AHCTF1: variants seen among roughly 807,000 people sequenced by gnomAD.
AHCTF1 encodes protein ELYS.
In AHCTF1, 24 loss-of-function variants were observed where a neutral mutation model predicts 248.4. That is an observed-to-expected ratio of 0.10 (90% confidence interval 0.07 to 0.14). The LOEUF (loss-of-function observed/expected upper bound fraction) is 0.14, where lower values mean the gene tolerates loss of function less well. Ranked by LOEUF, AHCTF1 falls within the 10% of genes least tolerant of loss-of-function variation. The probability of loss-of-function intolerance (pLI) is 1.00; values close to 1 mark genes in which losing one functional copy is unlikely to be tolerated. For missense variants in AHCTF1, 2,206 were observed against 2,636.2 expected, an observed-to-expected ratio of 0.84 and a Z score of 3.57; for synonymous variants, 786 against 929.8, an observed-to-expected ratio of 0.85 and a Z score of 2.81.
chr1:246,893,097 C>G (rs936705861), intron 14 of AHCTF1, among the ~76,000 whole-genome samples: 1 of 152,174 alleles, frequency 6.6e-6, no homozygotes, highest in African/African-American at 2.4e-5. Context: ...CTACATTATT[C>G]TCAAAGAATA....
intron 1 of AHCTF1, among the ~76,000 whole-genome samples, chr1:246,923,591 CAT>C (rs1437831011): frequency 6.6e-6 from 1 of 152,170 alleles, no homozygotes; most frequent in African/African-American, 2.4e-5. Context: ...TCAGAGCAGA[CAT>C]GTGGACTCTT....
chr1:246,842,877 T>A, intron 34 of AHCTF1, 101 bp from the exon 35 acceptor site: 2 of 977,916 alleles, frequency 2.0e-6, no homozygotes, highest in Non-Finnish European at 3.1e-6. Flanking sequence ...ACTGATGAAT[T>A]CAAACTCGCC....
intron 8 of AHCTF1, among the ~76,000 whole-genome samples, chr1:246,901,365 G>A (rs546096486): frequency 1.1e-4 from 17 of 151,878 alleles, no homozygotes; most frequent in African/African-American, 3.1e-4. Flanking sequence ...GGCCAGGTGC[G>A]GTGGCTCACG....
intron 24 of AHCTF1, among the ~76,000 whole-genome samples, chr1:246,869,626 T>TATCA (rs1217709218): frequency 9.2e-5 from 14 of 152,050 alleles, no homozygotes; most frequent in Non-Finnish European, 1.9e-4. Context: ...GCCTGTCTTC[T>TATCA]ATCAATGGAA....
At position 246,918,658 on chromosome 1, in the gene AHCTF1, A is replaced by G. The variant is rs180712612; in HGVS notation, c.-7-281T>C. ...ACTCCAGCATGGGCGACAGAGCAAAATCCAGTCTTAAAAACAAATGACATG... is the reference window on the plus strand; with the variant it reads ...ACTCCAGCATGGGCGACAGAGCAAAGTCCAGTCTTAAAAACAAATGACATG... On this transcript the variant is annotated intron_variant, in intron 1 of 35. Transcript: ENST00000648844. 2.6e-3 allele frequency among the ~76,000 whole-genome samples: 390 copies of G among 152,366 alleles called. 1 individual carries two copies. Among genetic ancestry groups the G allele is most frequent in the African/African-American group, 7.9e-3 (328 of 41,586 alleles).
chr1:246,850,662 T>C lies in AHCTF1; in HGVS notation c.5344A>G (p.Ile1782Val), dbSNP rs757478321. ...TAGATGTTTTCAGAAGCTTCAGAAA[T>C]TTCTTTTGCCTTCCTAGTTTTCTTC... ...VRKKTRKAKE[I>V]SEASENIYSD... Residue 1782 changes from isoleucine (I) to valine (V), a missense_variant, in exon 33 of 36, where the codon ATT becomes GTT. Ile to Val is a conservative substitution (Grantham distance 29, BLOSUM62 3). Transcript: ENST00000648844. 4 of 1,613,936 alleles carry C rather than the reference T, an allele frequency of 2.5e-6. No individual in the cohort carries two copies. The South Asian group carries it at 4.4e-5, about 18-fold the overall frequency.
chr1:246,841,088 G>T, intron 35 of AHCTF1, 90 bp from the exon 36 acceptor site: 1 of 1,124,382 alleles, frequency 8.9e-7, no homozygotes, highest in Non-Finnish European at 1.3e-6. Context: ...AAACCTTAGG[G>T]ACTGCTTAGT....
intron 1 of AHCTF1, among the ~76,000 whole-genome samples, chr1:246,920,005 T>C (rs935754279): frequency 3.3e-5 from 5 of 150,658 alleles, no homozygotes; most frequent in Admixed American, 6.6e-5. Context: ...TAGCCGGGCG[T>C]GGAGGCATAC....
intron 12 of AHCTF1, 32 bp downstream of exon 12, chr1:246,898,176 A>G: frequency 1.2e-5 from 20 of 1,609,612 alleles, no homozygotes; most frequent in Non-Finnish European, 1.7e-5. Context: ...TGATCCAACC[A>G]AAAGAAACAA....
At chr1:246,894,435 G>A (rs994734392) in intron 14 of AHCTF1, among the ~76,000 whole-genome samples, 10 of 152,154 alleles carry the variant, frequency 6.6e-5, no homozygotes, top group South Asian at 6.2e-4. Flanking sequence ...TTAGCCGAGC[G>A]TAGTGGCGGG....
In AHCTF1 at chr1:246,904,037, A is replaced by G. The variant is rs1558264898; in HGVS notation, c.882-4T>C. The G allele has an allele frequency of 6.2e-7, 1 of 1,613,086 alleles. No individual in the cohort carries two copies. The highest frequency in any genetic ancestry group is 8.5e-7 in the Non-Finnish European group (1 of 1,179,218). On this transcript the variant is annotated splice_polypyrimidine_tract_variant and splice_region_variant and intron_variant, in intron 6 of 35. Coordinates refer to ENST00000648844, the MANE Select transcript of AHCTF1 (RefSeq NM_001323342.2). ...CAAACTCAAAACATCCCCTTCACTGAAACAGAAATTAACGAAGACACGCTA... is the reference window on the plus strand; with the variant it reads ...CAAACTCAAAACATCCCCTTCACTGGAACAGAAATTAACGAAGACACGCTA...
At chr1:246,929,924 C>CAT (rs879864190) in intron 1 of AHCTF1, among the ~76,000 whole-genome samples, 24 of 151,868 alleles carry the variant, frequency 1.6e-4, no homozygotes, top group Non-Finnish European at 2.5e-4. Flanking sequence ...TGGTGGCGTG[C>CAT]GCCTGTAATC....
intron 21 of AHCTF1, among the ~76,000 whole-genome samples, chr1:246,878,012 TAATTA>T (rs1663101549): frequency 1.3e-5 from 2 of 151,852 alleles, no homozygotes; most frequent in African/African-American, 4.8e-5. Context: ...ATAAAAATTA[TAATTA>T]AATATAGGTC....
intron 7 of AHCTF1, 36 bp downstream of exon 7, chr1:246,903,913 A>C (rs1269388724): frequency 7.1e-7 from 1 of 1,417,426 alleles, no homozygotes; most frequent in South Asian, 1.2e-5. Context: ...AAACAACAAA[A>C]TGGTAATATA....
At chr1:246,895,999 G>T (rs924309355) in intron 12 of AHCTF1, 74 bp from the exon 13 acceptor site, 1 of 1,285,130 alleles carries the variant, frequency 7.8e-7, no homozygotes, top group Non-Finnish European at 1.1e-6. Context: ...TTCTGGTTTA[G>T]AATTTAAAAA....
chr1:246,896,845 A>G (rs1664610514), intron 12 of AHCTF1, among the ~76,000 whole-genome samples: 1 of 152,238 alleles, frequency 6.6e-6, no homozygotes, highest in South Asian at 2.1e-4. Context: ...CCATGAATGT[A>G]AGTTGAACAG....
In AHCTF1 at chr1:246,851,073, C is replaced by T. The variant is rs535900280; in HGVS notation, c.4933G>A (p.Val1645Ile). ...HGQIANLPSA[V>I]TSDQKSQKVD... ...TTTTGGGACTTTTGGTCACTAGTTA[C>T]GGCAGATGGCAAATTTGCAATTTGT... is the stretch of plus-strand genomic sequence containing the variant. Residue 1645 changes from valine (V) to isoleucine (I), a missense_variant, in exon 33 of 36, where the codon GTA becomes ATA. This residue lies in a region of AHCTF1 where 955 missense variants were observed against 1,055.6 expected (regional missense o/e 0.90). Coordinates refer to ENST00000648844, the MANE Select transcript of AHCTF1 (RefSeq NM_001323342.2). 7.4e-6 allele frequency: 12 copies of T among 1,613,856 alleles called. No individual in the cohort carries two copies. Among genetic ancestry groups the T allele is most frequent in the African/African-American group, 4.0e-5 (3 of 74,986 alleles).
intron 33 of AHCTF1, among the ~76,000 whole-genome samples, chr1:246,848,447 C>T (rs1471369923): frequency 4.0e-5 from 6 of 151,708 alleles, no homozygotes; most frequent in African/African-American, 1.5e-4. Context: ...GTGATCCACC[C>T]GCCTTGGCCT....
In AHCTF1 at chr1:246,861,101, A is replaced by T; in HGVS notation, c.3930T>A (p.Val1310=). The T allele has an allele frequency of 6.2e-7, 1 of 1,614,056 alleles. No homozygotes were observed. Residue 1310 remains valine (V), a synonymous_variant, in exon 29 of 36, where the codon GTT becomes GTA. Transcript: ENST00000648844. ...KLDVSKGNSS[V]SITSDETTLE... ...AGGTAGTCTCATCGGATGTGATTGA[A>T]ACACTGCTGTTTCCTTTGCTCACAT...
Sources: gnomAD v4.1 joint callset for allele counts (sites outside exome capture counted in the v4.1 genomes callset) on GRCh38, gnomAD v4.1.1 for gene constraint, gnomAD v4.1.1 regional missense constraint, MANE v1.5 for transcripts, NCBI Gene and HGNC (gene_info 2026-07-23, HGNC 2026-07-21) for gene names.